Variants in RPS6KA2 observed in about 807,000 individuals in gnomAD.
The protein encoded by RPS6KA2 is ribosomal protein S6 kinase A2.
A neutral mutation model predicts 91.8 loss-of-function variants in RPS6KA2; 42 were observed. The ratio of observed to expected loss-of-function variants is 0.46; its 90% CI spans 0.36 to 0.59. The LOEUF is 0.59. Ranked by LOEUF, RPS6KA2 falls within the 20% of genes least tolerant of loss-of-function variation. The probability of loss-of-function intolerance (pLI) is 0.00; values close to 1 mark genes in which losing one functional copy is unlikely to be tolerated. For missense variants in RPS6KA2, 798 were observed against 978.5 expected (o/e 0.82, Z 2.46); for synonymous variants, 414 against 393.6 (o/e 1.05, Z -0.61).
chr6:166,450,768 C>T (rs1219340201), intron 13 of RPS6KA2, among the ~76,000 whole-genome samples: 5 of 151,490 alleles, frequency 3.3e-5, no homozygotes, highest in Admixed American at 3.3e-4. Context: ...ACCACAGGGA[C>T]CACCACAGGA....
At chr6:166,646,893 G>A (rs1378812937) in intron 2 of RPS6KA2, among the ~76,000 whole-genome samples, 1 of 152,104 alleles carries the variant, frequency 6.6e-6, no homozygotes, top group African/African-American at 2.4e-5. Flanking sequence ...GTGGGCCTCT[G>A]TGCGAGCCGC....
intron 2 of RPS6KA2, among the ~76,000 whole-genome samples, chr6:166,646,281 G>A (rs1033661587): frequency 8.5e-5 from 13 of 152,188 alleles, no homozygotes; most frequent in South Asian, 4.1e-4. Context: ...CAGAAGCGGC[G>A]GCTGGGAGAG....
intron 2 of RPS6KA2, among the ~76,000 whole-genome samples, chr6:166,661,983 G>A (rs922544384): frequency 3.3e-5 from 5 of 152,174 alleles, no homozygotes; most frequent in African/African-American, 1.2e-4. Flanking sequence ...ATTTCAGGAT[G>A]TTTTACTCCA....
chr6:166,604,475 G>C (rs993518967), intron 1 of RPS6KA2, among the ~76,000 whole-genome samples: 4 of 152,204 alleles, frequency 2.6e-5, no homozygotes, highest in African/African-American at 9.6e-5. Context: ...CCCCGCTGGG[G>C]TAACTGAAGT....
In RPS6KA2 at chr6:166,851,299, C is replaced by T. The variant is rs1780736255; in HGVS notation, c.123+6901G>A. Reference sequence around the variant, plus strand: ...CAGACACCCAAACTGGATCTCATCGCCTTCTCCAACCTGCTGCTCCGCACA... The same window carrying T: ...CAGACACCCAAACTGGATCTCATCGTCTTCTCCAACCTGCTGCTCCGCACA... On this transcript the variant is annotated intron_variant, in intron 2 of 21. Coordinates refer to the RPS6KA2 transcript ENST00000503859. 1.3e-5 allele frequency among the ~76,000 whole-genome samples: 2 copies of T among 152,198 alleles called. 1 individual carries two copies. Among genetic ancestry groups the T allele is most frequent in the South Asian group, 4.1e-4 (2 of 4,832 alleles).
rs550212155 is a variant in RPS6KA2 at position 166,433,488 on chromosome 6, C to A, written c.1333-998G>T. Reference sequence around the variant, plus strand: ...GCCCTTGCCGCCCCTGCTGTGGGGACGGGACCAGTGGGAGGAGGGCACCAC... The same window carrying A: ...GCCCTTGCCGCCCCTGCTGTGGGGAAGGGACCAGTGGGAGGAGGGCACCAC... On this transcript the variant is annotated intron_variant, in intron 14 of 20. Coordinates refer to ENST00000265678, the MANE Select transcript of RPS6KA2 (RefSeq NM_021135.6). The surrounding 1 kb of genome is among the most constrained non-coding windows in gnomAD (Gnocchi z 4.4). Among the ~76,000 whole-genome samples the A allele has an allele frequency of 1.3e-5, 2 of 152,070 alleles. No homozygotes were observed. Among genetic ancestry groups the A allele is most frequent in the Admixed American group, 6.5e-5 (1 of 15,278 alleles).
At chr6:166,460,592 T>G (rs9355582) in intron 11 of RPS6KA2, 44,813 of 152,112 alleles carry the variant, frequency 0.29, 6,986 homozygotes, top group East Asian at 0.57. Context: ...CAAATCACCC[T>G]GACGACAGAA....
At chr6:166,526,955 T>C (rs1201363399) in intron 3 of RPS6KA2, among the ~76,000 whole-genome samples, 2 of 152,162 alleles carry the variant, frequency 1.3e-5, no homozygotes, top group South Asian at 4.1e-4. Flanking sequence ...GTACACAGAG[T>C]TTTATGTCCA....
At chr6:166,414,034 C>T (rs1206609963) in intron 19 of RPS6KA2, 103 bp from the exon 20 acceptor site, 1 of 1,046,162 alleles carries the variant, frequency 9.6e-7, no homozygotes, top group Non-Finnish European at 1.4e-6. Flanking sequence ...CAACACCCAA[C>T]CACTATGCTG....
chr6:166,544,786 C>A (rs1783773055), intron 1 of RPS6KA2: 1 of 152,138 alleles, frequency 6.6e-6, no homozygotes, highest in Non-Finnish European at 1.5e-5. Flanking sequence ...CTGGTGTGAG[C>A]AAATGTGAAA....
In RPS6KA2 at chr6:166,768,210, G is replaced by A. The variant is rs532517160; in HGVS notation, c.123+89990C>T. Among the ~76,000 whole-genome samples, 8 of 152,282 alleles carry A rather than the reference G, an allele frequency of 5.3e-5. 1 individual carries two copies. The South Asian group carries it at 1.0e-3, about 20-fold the overall frequency. ...CAGTGGCCCTGGACAAGCTCCCCCC[G>A]TTCTGGTTGAGGTTGGGTATGGACA... On this transcript the variant is annotated intron_variant, in intron 2 of 21. Transcript: ENST00000503859.
intron 2 of RPS6KA2, among the ~76,000 whole-genome samples, chr6:166,720,802 G>A (rs1037932025): frequency 1.3e-5 from 2 of 152,068 alleles, no homozygotes; most frequent in African/African-American, 2.4e-5. Flanking sequence ...AGGAAACTCC[G>A]GCACAGCGAG....
rs558866706 is a variant in RPS6KA2 at position 166,728,543 on chromosome 6, G to A, written c.123+129657C>T. Among the ~76,000 whole-genome samples, 6 of 151,960 alleles carry A rather than the reference G, an allele frequency of 3.9e-5. 1 individual carries two copies. The highest frequency in any genetic ancestry group is 2.6e-4 in the Admixed American group (4 of 15,272). ...TGCAGTGCCCAGGGAAAGAGTGGAC[G>A]GCTTCCTTCAGCTGACTCAGAGAAG... On this transcript the variant is annotated intron_variant, in intron 2 of 21. Coordinates refer to the RPS6KA2 transcript ENST00000503859.
In RPS6KA2 at chr6:166,603,552, G is replaced by T. The variant is rs1213148072; in HGVS notation, c.99+23369C>A. 6.6e-6 allele frequency among the ~76,000 whole-genome samples: 1 copy of T among 152,176 alleles called. No individual in the cohort carries two copies. Among genetic ancestry groups the T allele is most frequent in the Non-Finnish European group, 1.5e-5 (1 of 68,024 alleles). ...ACCTTCTGGAGTCGAGGGCGCCCAG[G>T]TAAAGGGCTTTGGCATGGAAGTGCA... On this transcript the variant is annotated intron_variant, in intron 1 of 20. Coordinates refer to ENST00000265678, the MANE Select transcript of RPS6KA2 (RefSeq NM_021135.6). This position sits in a 1 kb window ranked among gnomAD's most constrained non-coding sequence, Gnocchi z 4.3.
intron 2 of RPS6KA2, among the ~76,000 whole-genome samples, chr6:166,788,772 C>T (rs1172196472): frequency 6.6e-6 from 1 of 152,120 alleles, no homozygotes; most frequent in African/African-American, 2.4e-5. Context: ...TTGATAGGTA[C>T]AGCAAATCAT....
intron 1 of RPS6KA2, among the ~76,000 whole-genome samples, chr6:166,555,975 G>A (rs571223056): frequency 5.3e-4 from 81 of 152,272 alleles, no homozygotes; most frequent in African/African-American, 1.8e-3. Flanking sequence ...GTATCTGGGG[G>A]AAAACAGTTG....
At chr6:166,552,703 A>G (rs1374049432) in intron 1 of RPS6KA2, among the ~76,000 whole-genome samples, 1 of 152,192 alleles carries the variant, frequency 6.6e-6, no homozygotes, top group East Asian at 1.9e-4. Context: ...CACATGCCAA[A>G]AAGTCCACTA....
intron 3 of RPS6KA2, among the ~76,000 whole-genome samples, chr6:166,527,709 C>T (rs750065106): frequency 5.3e-5 from 8 of 152,112 alleles, no homozygotes; most frequent in Non-Finnish European, 1.0e-4. Flanking sequence ...ACTCAGTTCC[C>T]ACCTCTCTCA....
At chr6:166,566,740 C>G (rs1475837948) in intron 1 of RPS6KA2, among the ~76,000 whole-genome samples, 1 of 152,224 alleles carries the variant, frequency 6.6e-6, no homozygotes, top group Admixed American at 6.5e-5. Context: ...CAGGAGCTAC[C>G]CTTGCTAGAG....
Sources: allele counts gnomAD v4.1 joint callset (sites outside exome capture counted in the v4.1 genomes callset), GRCh38; gene constraint gnomAD v4.1.1; non-coding constraint Gnocchi (gnomAD v3.1); transcripts MANE v1.5; gene names NCBI Gene and HGNC (gene_info 2026-07-23, HGNC 2026-07-21).